The following RBMS1 variants were observed in gnomAD, a reference collection of about 807,000 sequenced individuals.
RBMS1 encodes RNA binding motif single stranded interacting protein 1.
In RBMS1, 17 loss-of-function variants were observed where a neutral mutation model predicts 62.3. The ratio of observed to expected loss-of-function variants is 0.27; its 90% CI spans 0.19 to 0.41. RBMS1 has a LOEUF of 0.41. Ranked by LOEUF, RBMS1 falls within the 10% of genes least tolerant of loss-of-function variation. RBMS1 has a pLI of 1.00. For synonymous variants in RBMS1, 172 were observed against 170.0 expected (o/e 1.01, Z -0.09); for missense variants, 334 against 504.5 (o/e 0.66, Z 3.24).
chr2:160,441,832 G>T (rs72976737), intron 1 of RBMS1, among the ~76,000 whole-genome samples: 1 of 152,146 alleles, frequency 6.6e-6, no homozygotes, highest in Non-Finnish European at 1.5e-5. Context: ...GGTGTTGGCC[G>T]TCTTTTTTAT....
At chr2:160,409,853 A>G (rs1695953412) in intron 1 of RBMS1, among the ~76,000 whole-genome samples, 1 of 152,224 alleles carries the variant, frequency 6.6e-6, no homozygotes, top group South Asian at 2.1e-4. Flanking sequence ...AAAGTTTTTA[A>G]GTGATGATGA....
intron 2 of RBMS1, among the ~76,000 whole-genome samples, chr2:160,321,355 C>G (rs1281893721): frequency 6.6e-6 from 1 of 152,108 alleles, no homozygotes; most frequent in African/African-American, 2.4e-5. Context: ...TCTTCTCCCT[C>G]CTTAACTAAG....
intron 1 of RBMS1, among the ~76,000 whole-genome samples, chr2:160,475,499 A>G (rs969166642): frequency 6.6e-6 from 1 of 152,130 alleles, no homozygotes; most frequent in African/African-American, 2.4e-5. Flanking sequence ...AACTGCTCCC[A>G]CCCTTTGCTC....
At chr2:160,335,748 T>C (rs1280915960) in intron 2 of RBMS1, among the ~76,000 whole-genome samples, 2 of 152,180 alleles carry the variant, frequency 1.3e-5, no homozygotes, top group Non-Finnish European at 2.9e-5. Flanking sequence ...AAACTACATG[T>C]AATGTTAACT....
rs774127945 is a variant in RBMS1, at chr2:160,313,207, T to C, written c.351A>G (p.Gln117=). The part of the protein sequence containing the change: ...FVDFDSPAAA[Q]KAVSALKASG... ...TGGCCTTCAGGGCAGACACAGCTTT[T>C]TGAGCTGCTGCAGGGCTGTCAAAGT... The change falls in exon 4 of 14, where the codon CAA becomes CAG. Residue 117 remains glutamine, a synonymous_variant. Coordinates refer to ENST00000348849, the MANE Select transcript of RBMS1 (RefSeq NM_016836.4). 2.4e-5 allele frequency: 38 copies of C among 1,613,508 alleles called. No individual in the cohort carries two copies. The Admixed American group carries it at 5.2e-4, about 22-fold the overall frequency.
intron 1 of RBMS1, among the ~76,000 whole-genome samples, chr2:160,385,388 AAAAG>A (rs1256764309): frequency 6.6e-6 from 1 of 152,180 alleles, no homozygotes; most frequent in Non-Finnish European, 1.5e-5. Context: ...TAAAAAATAA[AAAAG>A]AGAGAGAGAA....
In RBMS1 at chr2:160,428,503, AAAG is replaced by A. The variant is rs201505481; in HGVS notation, c.76-61115_76-61113del. On this transcript the variant is annotated intron_variant, in intron 1 of 13. Transcript: ENST00000348849. ...CTAGGTTCCACTTTCTAGAGCTTTAAAAGAAGAAGAAGAAGAAGAAAAAAACTC... is the reference window on the plus strand; with the variant it reads ...CTAGGTTCCACTTTCTAGAGCTTTAAAAGAAGAAGAAGAAGAAAAAAACTC... 2.5e-4 allele frequency among the ~76,000 whole-genome samples: 36 copies of A among 143,988 alleles called. No individual in the cohort carries two copies. The South Asian group carries it at 2.8e-3, about 11-fold the overall frequency. The allele number at this position is 143,988 out of a possible 152,430, so 94.5% of individuals were successfully genotyped here.
At chr2:160,278,900 T>C in intron 10 of RBMS1, 1 of 388,386 alleles carries the variant, frequency 2.6e-6, no homozygotes. Flanking sequence ...CAACAATCCC[T>C]GTATTAAAGC....
intron 6 of RBMS1, among the ~76,000 whole-genome samples, chr2:160,299,646 A>C (rs530245217): frequency 1.3e-5 from 2 of 152,320 alleles, no homozygotes; most frequent in East Asian, 3.9e-4. Context: ...AGACTTTAAG[A>C]AAGGGGACTG....
intron 4 of RBMS1, among the ~76,000 whole-genome samples, chr2:160,304,913 G>T (rs1003797514): frequency 6.6e-6 from 1 of 152,100 alleles, no homozygotes; most frequent in Admixed American, 6.5e-5. Flanking sequence ...GGAGTGCAGT[G>T]GCGCGATCTC....
At chr2:160,429,403 G>C (rs1034253010) in intron 1 of RBMS1, among the ~76,000 whole-genome samples, 1 of 152,106 alleles carries the variant, frequency 6.6e-6, no homozygotes, top group Admixed American at 6.5e-5. Flanking sequence ...TATTAAGTAA[G>C]CTCTTGGAAA....
At chr2:160,342,341 T>C (rs1691915629) in intron 2 of RBMS1, among the ~76,000 whole-genome samples, 1 of 152,134 alleles carries the variant, frequency 6.6e-6, no homozygotes, top group Admixed American at 6.6e-5. Context: ...GTGGACTATT[T>C]AGAGTATTTA....
intron 1 of RBMS1, among the ~76,000 whole-genome samples, chr2:160,465,411 T>C (rs1043754474): frequency 6.6e-6 from 1 of 152,208 alleles, no homozygotes; most frequent in Non-Finnish European, 1.5e-5. Flanking sequence ...CCCAACTCAA[T>C]CCTACATTTT....
intron 1 of RBMS1, among the ~76,000 whole-genome samples, chr2:160,458,164 T>G (rs1486122763): frequency 6.6e-6 from 1 of 152,032 alleles, no homozygotes; most frequent in Non-Finnish European, 1.5e-5. Flanking sequence ...GAATCTCACT[T>G]TGTTGCCCAG....
intron 1 of RBMS1, among the ~76,000 whole-genome samples, chr2:160,426,285 GA>G (rs71338179): frequency 3.1e-3 from 312 of 99,972 alleles, no homozygotes; most frequent in South Asian, 5.2e-3. Context: ...AAGAAAGAAA[GA>G]AAGAAAAGAA....
intron 1 of RBMS1, among the ~76,000 whole-genome samples, chr2:160,425,486 G>C (rs1682512136): frequency 6.6e-6 from 1 of 152,134 alleles, no homozygotes; most frequent in Admixed American, 6.5e-5. Flanking sequence ...ACTGTGCATG[G>C]AGAAGGAGGC....
At position 160,273,946 on chromosome 2, in the gene RBMS1, G is replaced by A. The variant is rs1452865778; in HGVS notation, c.*826C>T. Reference sequence around the variant, plus strand: ...TCACACAAAACATTTTTCCCTTCTTGCATTTCACTACCTTACACATTATGT... The same window carrying A: ...TCACACAAAACATTTTTCCCTTCTTACATTTCACTACCTTACACATTATGT... On this transcript the variant is annotated 3_prime_UTR_variant, in exon 14 of 14. Transcript: ENST00000348849. The A allele has an allele frequency of 2.0e-5, 3 of 152,576 alleles. No individual in the cohort carries two copies. Among genetic ancestry groups the A allele is most frequent in the African/African-American group, 7.2e-5 (3 of 41,530 alleles). The allele number at this position is 152,576 out of a possible 1,614,324, so 9.5% of individuals were successfully genotyped here.
At chr2:160,314,683 G>A (rs1048174343) in intron 3 of RBMS1, among the ~76,000 whole-genome samples, 1 of 152,042 alleles carries the variant, frequency 6.6e-6, no homozygotes, top group Non-Finnish European at 1.5e-5. Context: ...AACAAGAAGC[G>A]GCTTCCTTAT....
rs879389181 is a variant in RBMS1 at position 160,334,780 on chromosome 2, G to A, written c.252-16553C>T. Among the ~76,000 whole-genome samples the A allele has an allele frequency of 6.0e-4, 91 of 152,216 alleles. 1 individual carries two copies. The highest frequency in any genetic ancestry group is 4.1e-4 in the South Asian group (2 of 4,828). ...GTTCAACCTAAAATTCAACCCTTTA[G>A]TCACCATTCCAGGCTAAGTTTAAAT... On this transcript the variant is annotated intron_variant, in intron 2 of 13. Coordinates refer to ENST00000348849, the MANE Select transcript of RBMS1 (RefSeq NM_016836.4).
Sources: gnomAD v4.1 joint callset for allele counts (sites outside exome capture counted in the v4.1 genomes callset) on GRCh38, gnomAD v4.1.1 for gene constraint, MANE v1.5 for transcripts, NCBI Gene and HGNC (gene_info 2026-07-23, HGNC 2026-07-21) for gene names.